LDB3: variants seen among roughly 807,000 people sequenced by gnomAD.
LDB3 encodes the protein LIM domain binding 3.
A neutral mutation model predicts 69.0 loss-of-function variants in LDB3; 49 were observed. The ratio of observed to expected loss-of-function variants is 0.71; its 90% CI spans 0.56 to 0.90. The LOEUF is 0.90. Among genes scored for constraint, LDB3 ranks in the 40% least tolerant of loss-of-function variants. The pLI, the probability that LDB3 is intolerant of heterozygous loss-of-function variation, is 0.00. For missense variants in LDB3, 928 were observed against 974.1 expected (o/e 0.95, Z 0.63); for synonymous variants, 387 against 396.2 (o/e 0.98, Z 0.28).
In LDB3 at chr10:86,716,307, G is replaced by T. The variant is rs771674042; in HGVS notation, c.1232-20G>T. On this transcript the variant is annotated intron_variant, in intron 9 of 13. Coordinates refer to ENST00000361373, the MANE Select transcript of LDB3 (RefSeq NM_007078.3). ...GAATTCCTGACACACCTTTCTTTGG[G>T]TTTTTTTTGGCTTTTGCAGTGCCTG... 9 of 1,610,502 alleles carry T rather than the reference G, an allele frequency of 5.6e-6. No individual in the cohort carries two copies. The highest frequency in any genetic ancestry group is 2.2e-5 in the East Asian group (1 of 44,870).
intron 5 of LDB3, chr10:86,686,967 C>T: frequency 2.9e-6 from 3 of 1,043,306 alleles, no homozygotes; most frequent in East Asian, 2.4e-5. Context: ...TCTCTCTCGA[C>T]ACCCACCGCG....
rs143980761 is a variant in LDB3, at chr10:86,685,579, C to T, written c.689+3776C>T. 218 of 1,265,394 alleles carry T rather than the reference C, an allele frequency of 1.7e-4. No homozygotes were observed. The African/African-American group carries it at 3.1e-3, about 18-fold the overall frequency. 78.4% of individuals were successfully genotyped at this position (1,265,394 alleles called of 1,614,324 possible). Reference sequence around the variant, plus strand: ...CCATTGCGGTTTGGGCTGGTTCTGCCTCCACAATGACCAGGCTGATGATGG... The same window carrying T: ...CCATTGCGGTTTGGGCTGGTTCTGCTTCCACAATGACCAGGCTGATGATGG... On this transcript the variant is annotated intron_variant, in intron 5 of 13. Transcript: ENST00000361373.
intron 2 of LDB3, among the ~76,000 whole-genome samples, chr10:86,676,578 AAG>A (rs1554847834): frequency 2.1e-5 from 3 of 142,610 alleles, no homozygotes; most frequent in Admixed American, 7.1e-5. Flanking sequence ...AAAAAAAAAA[AAG>A]AGAAAGAAAA....
rs1397512571 is a variant in LDB3 at position 86,698,708 on chromosome 10, C to T, written c.896+6137C>T. 2.0e-5 allele frequency among the ~76,000 whole-genome samples: 3 copies of T among 152,128 alleles called. No homozygotes were observed. In the East Asian group the frequency reaches 5.8e-4, roughly 29 times the overall value. ...CTCAGGCCTGGCGAGCAGGGGTGGG[C>T]AGGGGCTGTGTGCAAAATCTTCTCT... On this transcript the variant is annotated intron_variant, in intron 7 of 13. Transcript: ENST00000361373.
chr10:86,705,669 C>T (rs111668579), intron 7 of LDB3, among the ~76,000 whole-genome samples: 4,505 of 152,264 alleles, frequency 0.03, 194 homozygotes, highest in African/African-American at 0.096. Context: ...ATCCCCAACC[C>T]GTCTGGTCCA....
intron 11 of LDB3, 151 bp downstream of exon 11, chr10:86,718,295 A>G: frequency 2.6e-6 from 2 of 757,180 alleles, no homozygotes; most frequent in Non-Finnish European, 4.6e-6. Flanking sequence ...TGCCACCAAT[A>G]AACTTGGGGA....
intron 5 of LDB3, among the ~76,000 whole-genome samples, chr10:86,685,393 C>G (rs2132389189): frequency 6.6e-6 from 1 of 152,292 alleles, no homozygotes; most frequent in East Asian, 1.9e-4. Flanking sequence ...ACGAGTGCCC[C>G]TGAAGATAGA....
At position 86,699,882 on chromosome 10, in the gene LDB3, G is replaced by A; in HGVS notation, c.897-6649G>A. 1 of 1,011,842 alleles carries A rather than the reference G, an allele frequency of 9.9e-7. No individual in the cohort carries two copies. The highest frequency in any genetic ancestry group is 5.1e-5 in the Admixed American group (1 of 19,528). The allele number at this position is 1,011,842 out of a possible 1,614,324, so 62.7% of individuals were successfully genotyped here. ...AGGGCAGCCCGGAATAGGGCTCTTTGAAGAGGAAGTAGAAGCCCCAGGGTA... is the reference window on the plus strand; with the variant it reads ...AGGGCAGCCCGGAATAGGGCTCTTTAAAGAGGAAGTAGAAGCCCCAGGGTA... On this transcript the variant is annotated intron_variant, in intron 7 of 13. Transcript: ENST00000361373. This position sits in a 1 kb window ranked among gnomAD's most constrained non-coding sequence, Gnocchi z 4.9.
intron 13 of LDB3, among the ~76,000 whole-genome samples, chr10:86,726,882 C>A (rs968488279): frequency 1.3e-5 from 2 of 152,124 alleles, no homozygotes; most frequent in African/African-American, 4.8e-5. Context: ...CATTTTCCTT[C>A]TGAGGGTTTT....
At chr10:86,693,326 G>A (rs376446479) in intron 7 of LDB3, among the ~76,000 whole-genome samples, 107 of 152,268 alleles carry the variant, frequency 7.0e-4, no homozygotes, top group African/African-American at 2.1e-3. Flanking sequence ...GTACACTTCC[G>A]GTAGCAAATA....
chr10:86,721,076 C>T (rs1305042932), intron 12 of LDB3, among the ~76,000 whole-genome samples: 2 of 152,170 alleles, frequency 1.3e-5, no homozygotes, highest in Non-Finnish European at 2.9e-5. Flanking sequence ...TCCTGAAGTG[C>T]TGGGATTACA....
chr10:86,686,793 C>T (rs1031278793), intron 5 of LDB3, among the ~76,000 whole-genome samples: 2 of 137,008 alleles, frequency 1.5e-5, no homozygotes, highest in South Asian at 2.5e-4. Flanking sequence ...GGCGACAAAG[C>T]GAGACCCTGT....
chr10:86,730,497 C>G (rs763680099), intron 13 of LDB3, among the ~76,000 whole-genome samples: 5 of 152,218 alleles, frequency 3.3e-5, no homozygotes, highest in Non-Finnish European at 1.5e-5. Context: ...TACATCTGTA[C>G]AAACCCATGA....
rs950080060 is a variant in LDB3, at chr10:86,734,152, T to G, written c.*1176T>G. On this transcript the variant is annotated 3_prime_UTR_variant, in exon 14 of 14. Coordinates refer to ENST00000361373, the MANE Select transcript of LDB3 (RefSeq NM_007078.3). ...ATGCAGCACACTGAGTTTGTACAAT[T>G]GTGTTAACTGCTGGAAGGGACAGAT... The G allele has an allele frequency of 3.0e-4, 45 of 152,228 alleles. No homozygotes were observed. Among genetic ancestry groups the G allele is most frequent in the African/African-American group, 1.1e-3 (44 of 41,454 alleles). 9.4% of individuals were successfully genotyped at this position (152,228 alleles called of 1,614,324 possible).
At position 86,681,536 on chromosome 10, in the gene LDB3, C is replaced by T. The variant is rs141078955; in HGVS notation, c.422C>T (p.Thr141Ile). The change falls in exon 5 of 14, where the codon ACC becomes ATC. Residue 141 changes from threonine to isoleucine, a missense_variant. Transcript: ENST00000361373. ...GTPGTPELRP[T>I]FSPAFSRPSA... ...CCAGGCACCCCGGAGCTCAGGCCCA[C>T]CTTTAGCCCTGCCTTCTCCCGGCCC... The T allele has an allele frequency of 1.3e-5, 21 of 1,612,710 alleles. No individual in the cohort carries two copies. In the African/African-American group the frequency reaches 2.5e-4, roughly 19 times the overall value.
chr10:86,683,673 G>A (rs963598686), intron 5 of LDB3, among the ~76,000 whole-genome samples: 1 of 152,256 alleles, frequency 6.6e-6, no homozygotes, highest in Non-Finnish European at 1.5e-5. Flanking sequence ...TTCATCCAAA[G>A]TAAAAGCTGA....
intron 2 of LDB3, among the ~76,000 whole-genome samples, chr10:86,677,712 C>A (rs529919152): frequency 6.6e-6 from 1 of 152,180 alleles, no homozygotes. Flanking sequence ...GGCCCCCGCA[C>A]CTGCACCCTG....
At chr10:86,685,737 T>G in intron 5 of LDB3, 1 of 1,613,296 alleles carries the variant, frequency 6.2e-7, no homozygotes, top group Non-Finnish European at 8.5e-7. Context: ...TGCGCTTGCG[T>G]GCCAGCCCCA....
At chr10:86,697,010 G>T (rs1229252374) in intron 7 of LDB3, among the ~76,000 whole-genome samples, 1 of 152,182 alleles carries the variant, frequency 6.6e-6, no homozygotes, top group African/African-American at 2.4e-5. Context: ...CTTAGACAGA[G>T]ACCCAGTATG....
Sources: allele counts gnomAD v4.1 joint callset (sites outside exome capture counted in the v4.1 genomes callset), GRCh38; gene constraint gnomAD v4.1.1; non-coding constraint Gnocchi (gnomAD v3.1); transcripts MANE v1.5; gene names NCBI Gene and HGNC (gene_info 2026-07-23, HGNC 2026-07-21).